Variants in RGL1 observed in about 807,000 individuals in gnomAD.
The protein encoded by RGL1 is ral guanine nucleotide dissociation stimulator like 1.
RGL1 carries 24 observed loss-of-function variants against 95.2 expected under a neutral mutation model. The observed-to-expected ratio is 0.25, with a 90% CI of 0.18 to 0.35. The LOEUF (loss-of-function observed/expected upper bound fraction) is 0.35, where lower values mean the gene tolerates loss of function less well. RGL1 is among the 10% of genes least tolerant of loss of function. The pLI, the probability that RGL1 is intolerant of heterozygous loss-of-function variation, is 1.00. For missense variants in RGL1, 715 were observed against 936.3 expected (o/e 0.76, Z 3.08); for synonymous variants, 329 against 344.9 (o/e 0.95, Z 0.51).
In RGL1 at chr1:183,849,074, AT is replaced by A. The variant is rs1010076169; in HGVS notation, c.347+1303del. ...GTACATAGTCTGTTCTGCAATTTTC[AT>A]TTAAAAAATTTTTTTTTTCTATTTT... On this transcript the variant is annotated intron_variant, in intron 3 of 17. Coordinates refer to ENST00000360851, the MANE Select transcript of RGL1 (RefSeq NM_001297671.3). 8.7e-4 allele frequency among the ~76,000 whole-genome samples: 128 copies of A among 147,018 alleles called. 2 individuals carry two copies. The highest frequency in any genetic ancestry group is 3.6e-3 in the Middle Eastern group (1 of 278).
chr1:183,708,498 C>T (rs1346663600), intron 1 of RGL1, among the ~76,000 whole-genome samples: 1 of 152,152 alleles, frequency 6.6e-6, no homozygotes, highest in African/African-American at 2.4e-5. Context: ...CTCTTCCACC[C>T]TCACCCCAGA....
chr1:183,706,098 AG>A (rs1182465442), intron 1 of RGL1, among the ~76,000 whole-genome samples: 1 of 152,096 alleles, frequency 6.6e-6, no homozygotes, highest in Non-Finnish European at 1.5e-5. Context: ...GAAGCCCCAG[AG>A]GGGTCTGGGT....
intron 1 of RGL1, among the ~76,000 whole-genome samples, chr1:183,679,114 G>T (rs1057479677): frequency 2.0e-5 from 3 of 152,164 alleles, no homozygotes; most frequent in Non-Finnish European, 2.9e-5. Flanking sequence ...TGAGGGTCAG[G>T]TTGCTTCAGC....
chr1:183,767,353 T>A (rs1659028988), intron 2 of RGL1, among the ~76,000 whole-genome samples: 2 of 150,184 alleles, frequency 1.3e-5, no homozygotes, highest in Non-Finnish European at 3.0e-5. Context: ...AACAGATAAA[T>A]AGGAAGCCCC....
chr1:183,640,744 TA>T (rs1649870070), intron 1 of RGL1, among the ~76,000 whole-genome samples: 1 of 152,226 alleles, frequency 6.6e-6, no homozygotes, highest in Non-Finnish European at 1.5e-5. Flanking sequence ...GAGGTAATGA[TA>T]ATTTACATCT....
chr1:183,760,928 T>C (rs1197195042), intron 2 of RGL1, among the ~76,000 whole-genome samples: 1 of 152,208 alleles, frequency 6.6e-6, no homozygotes, highest in Non-Finnish European at 1.5e-5. Context: ...CTATAAGAAG[T>C]CACTCGTTGT....
intron 1 of RGL1, among the ~76,000 whole-genome samples, chr1:183,730,247 T>G (rs993287217): frequency 3.3e-5 from 5 of 152,188 alleles, no homozygotes; most frequent in Non-Finnish European, 2.9e-5. Context: ...TTGGGCACTG[T>G]GTCAGGCATT....
intron 17 of RGL1, among the ~76,000 whole-genome samples, chr1:183,924,822 C>G (rs1325448536): frequency 6.7e-6 from 1 of 149,432 alleles, no homozygotes; most frequent in Non-Finnish European, 1.5e-5. Flanking sequence ...AAAAATTAGC[C>G]GGGGGTGGTG....
At chr1:183,705,818 G>A (rs1654879472) in intron 1 of RGL1, among the ~76,000 whole-genome samples, 1 of 152,216 alleles carries the variant, frequency 6.6e-6, no homozygotes, top group Non-Finnish European at 1.5e-5. Context: ...TAGAATTGAT[G>A]TGTTAAAAGG....
intron 2 of RGL1, chr1:183,754,924 T>C (rs1473444811): frequency 6.6e-6 from 1 of 152,358 alleles, no homozygotes. Flanking sequence ...TTTTGGCTTT[T>C]AAGAGTTCTT....
At chr1:183,755,699 C>T (rs973897594) in intron 2 of RGL1, among the ~76,000 whole-genome samples, 3 of 152,130 alleles carry the variant, frequency 2.0e-5, no homozygotes, top group Non-Finnish European at 1.5e-5. Context: ...TCTTAAAAAA[C>T]GGACAATGGG....
intron 2 of RGL1, among the ~76,000 whole-genome samples, chr1:183,843,666 A>G (rs1664214303): frequency 6.6e-6 from 1 of 152,262 alleles, no homozygotes; most frequent in South Asian, 2.1e-4. Context: ...TAAGTAAAAT[A>G]AGAATCGTCA....
At chr1:183,713,965 A>C (rs75072806) in intron 1 of RGL1, among the ~76,000 whole-genome samples, 178 of 152,268 alleles carry the variant, frequency 1.2e-3, no homozygotes, top group African/African-American at 4.2e-3. Flanking sequence ...TCCTATTAGG[A>C]GTGATCTCTG....
At chr1:183,781,988 A>T (rs1271407658) in intron 2 of RGL1, among the ~76,000 whole-genome samples, 1 of 152,220 alleles carries the variant, frequency 6.6e-6, no homozygotes, top group Non-Finnish European at 1.5e-5. Context: ...TTATTCCTAA[A>T]GTGTTTTCTG....
chr1:183,760,782 C>A (rs142780276), intron 2 of RGL1, among the ~76,000 whole-genome samples: 1 of 152,154 alleles, frequency 6.6e-6, no homozygotes, highest in African/African-American at 2.4e-5. Context: ...GAAGTCAGTG[C>A]TCCCAAACCC....
chr1:183,819,903 G>A (rs1182320818), intron 2 of RGL1, among the ~76,000 whole-genome samples: 1 of 151,648 alleles, frequency 6.6e-6, no homozygotes, highest in African/African-American at 2.4e-5. Flanking sequence ...TCCTGCCTCA[G>A]CCTCCCGAGG....
intron 16 of RGL1, among the ~76,000 whole-genome samples, chr1:183,918,066 G>GT (rs1196140347): frequency 1.3e-5 from 2 of 152,160 alleles, no homozygotes; most frequent in Non-Finnish European, 2.9e-5. Flanking sequence ...CAACTTTTTG[G>GT]TTACTGTTGT....
chr1:183,779,250 C>CTTCT (rs988816024), intron 2 of RGL1, among the ~76,000 whole-genome samples: 1 of 137,780 alleles, frequency 7.3e-6, no homozygotes, highest in African/African-American at 2.7e-5. Context: ...CTTCCTTCCT[C>CTTCT]TTCTTTCTTT....
intron 1 of RGL1, among the ~76,000 whole-genome samples, chr1:183,732,240 T>C (rs1296991309): frequency 6.6e-6 from 1 of 152,056 alleles, no homozygotes; most frequent in Non-Finnish European, 1.5e-5. Context: ...TACACTTTGG[T>C]TTATGGGAAA....
Sources: gnomAD v4.1 joint callset for allele counts (sites outside exome capture counted in the v4.1 genomes callset) on GRCh38, gnomAD v4.1.1 for gene constraint, MANE v1.5 for transcripts, NCBI Gene and HGNC (gene_info 2026-07-23, HGNC 2026-07-21) for gene names.